RAPGEF2: variants seen among roughly 807,000 people sequenced by gnomAD.
The protein encoded by RAPGEF2 is PDZ domain containing guanine nucleotide exchange factor (GEF) 1.
A neutral mutation model predicts 186.7 loss-of-function variants in RAPGEF2; 54 were observed. The observed-to-expected ratio is 0.29, with a 90% CI of 0.23 to 0.36. The LOEUF is 0.36. Ranked by LOEUF, RAPGEF2 falls within the 10% of genes least tolerant of loss-of-function variation. The pLI is 1.00. For missense variants in RAPGEF2, 1,532 were observed against 2,045.0 expected (o/e 0.75, Z 4.84); for synonymous variants, 712 against 705.9 (o/e 1.01, Z -0.14).
At chr4:159,287,848 T>A (rs77344495) in intron 7 of RAPGEF2, among the ~76,000 whole-genome samples, 1 of 152,162 alleles carries the variant, frequency 6.6e-6, no homozygotes, top group Non-Finnish European at 1.5e-5. Context: ...TCTCTTGATA[T>A]CGGTTCCTAC....
chr4:159,289,051 A>C (rs567316430), intron 7 of RAPGEF2, among the ~76,000 whole-genome samples: 30 of 152,252 alleles, frequency 2.0e-4, no homozygotes, highest in Non-Finnish European at 4.1e-4. Context: ...TGATAGCTGA[A>C]ATCTTTTTTT....
rs896338299 is a variant in RAPGEF2, at chr4:159,273,642, CTT to C, written c.543+29853_543+29854del. On this transcript the variant is annotated intron_variant, in intron 7 of 29. Transcript: ENST00000691494. ...CAGTAATCAGTTTCTTTCTTTCTTT[CTT>C]TCTTTCTTTCTTTCTTTCTTTCTTT... Among the ~76,000 whole-genome samples, 19 of 109,568 alleles carry C rather than the reference CTT, an allele frequency of 1.7e-4. 1 individual carries two copies. In the East Asian group the frequency reaches 4.1e-3, roughly 24 times the overall value. The allele number at this position is 109,568 out of a possible 152,430, so 71.9% of individuals were successfully genotyped here.
intron 1 of RAPGEF2, among the ~76,000 whole-genome samples, chr4:159,186,115 G>A (rs897361270): frequency 6.6e-6 from 1 of 151,332 alleles, no homozygotes; most frequent in Admixed American, 6.6e-5. Flanking sequence ...GTAAAACAAG[G>A]CACGTTTTCT....
intron 7 of RAPGEF2, among the ~76,000 whole-genome samples, chr4:159,286,195 A>G (rs775035943): frequency 6.6e-6 from 1 of 152,116 alleles, no homozygotes; most frequent in Non-Finnish European, 1.5e-5. Context: ...TGAAACCCCA[A>G]ACCTATGGAT....
chr4:159,153,550 G>A (rs1743786544), intron 1 of RAPGEF2, among the ~76,000 whole-genome samples: 1 of 152,130 alleles, frequency 6.6e-6, no homozygotes, highest in African/African-American at 2.4e-5. Flanking sequence ...GTCCGTCTTG[G>A]TAGTTTTAAT....
At chr4:159,348,242 AGATGGATGGATG>A (rs57748987) in intron 25 of RAPGEF2, among the ~76,000 whole-genome samples, 53,983 of 144,724 alleles carry the variant, frequency 0.37, 10,882 homozygotes, top group Non-Finnish European at 0.46. Flanking sequence ...ATAGATAGAT[AGATGGATGGATG>A]GATGGATGGA....
intron 1 of RAPGEF2, among the ~76,000 whole-genome samples, chr4:159,104,531 A>AGG (rs1382643863): frequency 1.2e-3 from 138 of 116,060 alleles, no homozygotes; most frequent in Non-Finnish European, 1.4e-3. Flanking sequence ...AGAGAGGGAG[A>AGG]GACAGAGAGA....
chr4:159,248,085 A>G (rs891814877), intron 7 of RAPGEF2, among the ~76,000 whole-genome samples: 1 of 152,190 alleles, frequency 6.6e-6, no homozygotes, highest in Non-Finnish European at 1.5e-5. Flanking sequence ...TTTCAAAATA[A>G]AACTTTAAAT....
intron 11 of RAPGEF2, among the ~76,000 whole-genome samples, chr4:159,324,889 TTGTCTC>T (rs1192923445): frequency 6.6e-6 from 1 of 152,086 alleles, no homozygotes; most frequent in Non-Finnish European, 1.5e-5. Flanking sequence ...CTAAAAGAAT[TTGTCTC>T]TGAAACAAAA....
intron 1 of RAPGEF2, among the ~76,000 whole-genome samples, chr4:159,160,196 C>T (rs1024302907): frequency 6.6e-6 from 1 of 152,160 alleles, no homozygotes; most frequent in African/African-American, 2.4e-5. Context: ...ATGAAATGTA[C>T]CTTTTACTGA....
rs373383424 is a variant in RAPGEF2, at chr4:159,358,786, C to A, written c.*647C>A. On this transcript the variant is annotated 3_prime_UTR_variant, in exon 30 of 30. Coordinates refer to ENST00000691494, the MANE Select transcript of RAPGEF2 (RefSeq NM_001394067.2). ...GGTTGCCAGCCTGGTTTCTGAAAAACCAAATATGCCGGACAGGGTGTGGCC... is the reference window on the plus strand; with the variant it reads ...GGTTGCCAGCCTGGTTTCTGAAAAAACAAATATGCCGGACAGGGTGTGGCC... 1.3e-5 allele frequency: 2 copies of A among 152,190 alleles called. No homozygotes were observed. Among genetic ancestry groups the A allele is most frequent in the East Asian group, 3.8e-4 (2 of 5,198 alleles). The allele number at this position is 152,190 out of a possible 1,614,324, so 9.4% of individuals were successfully genotyped here. A position where few individuals can be genotyped will look rare whatever the true frequency, so the allele number is the denominator to read the frequency against.
At chr4:159,272,570 G>A (rs1758257542) in intron 7 of RAPGEF2, among the ~76,000 whole-genome samples, 2 of 152,148 alleles carry the variant, frequency 1.3e-5, no homozygotes, top group South Asian at 4.1e-4. Flanking sequence ...TTTGGTCTTT[G>A]CAGTTAGATG....
chr4:159,149,649 A>G (rs1322132516), intron 1 of RAPGEF2, among the ~76,000 whole-genome samples: 1 of 152,194 alleles, frequency 6.6e-6, no homozygotes, highest in South Asian at 2.1e-4. Context: ...TTTGTAAACA[A>G]TGAAAAAGAA....
At chr4:159,121,653 G>T (rs1294961162) in intron 1 of RAPGEF2, among the ~76,000 whole-genome samples, 1 of 151,784 alleles carries the variant, frequency 6.6e-6, no homozygotes, top group Non-Finnish European at 1.5e-5. Flanking sequence ...ATAAATGTTG[G>T]GATTTCAATA....
intron 7 of RAPGEF2, among the ~76,000 whole-genome samples, chr4:159,295,510 A>G (rs1452103116): frequency 2.0e-5 from 3 of 152,164 alleles, no homozygotes; most frequent in Non-Finnish European, 4.4e-5. Flanking sequence ...TCATTTGGCC[A>G]TATATACATT....
At chr4:159,318,762 A>C (rs1222630656) in intron 9 of RAPGEF2, among the ~76,000 whole-genome samples, 1 of 152,210 alleles carries the variant, frequency 6.6e-6, no homozygotes, top group Non-Finnish European at 1.5e-5. Flanking sequence ...TTTTAAAAAA[A>C]ATTAATAAAA....
At chr4:159,335,290 C>T (rs1294092765) in intron 17 of RAPGEF2, among the ~76,000 whole-genome samples, 3 of 151,968 alleles carry the variant, frequency 2.0e-5, no homozygotes, top group African/African-American at 7.2e-5. Flanking sequence ...CTAATGAACC[C>T]AGAGACAAGA....
In RAPGEF2 at chr4:159,343,172, C is replaced by T. The variant is rs759383921; in HGVS notation, c.3112C>T (p.Leu1038Phe). Reference sequence around the variant, plus strand: ...TCTATTCCCAGTTATCAAAAAGGATCTCACCTTCCTTCACGAAGGTAAACA... The same window carrying T: ...TCTATTCCCAGTTATCAAAAAGGATTTCACCTTCCTTCACGAAGGTAAACA... The part of the protein sequence containing the change: ...IPLFPVIKKD[L>F]TFLHEGNDSK... The change falls in exon 21 of 30, where the codon CTC becomes TTC. Residue 1038 changes from leucine to phenylalanine, a missense_variant. Around this residue, in one of 4 missense-constraint regions of RAPGEF2, gnomAD observed 11 missense variants for 45.2 expected, o/e 0.24. Transcript: ENST00000691494. 6.2e-7 allele frequency: 1 copy of T among 1,614,068 alleles called. No individual in the cohort carries two copies. The highest frequency in any genetic ancestry group is 1.1e-5 in the South Asian group (1 of 91,076).
At chr4:159,274,369 AATCAT>A (rs1758569340) in intron 7 of RAPGEF2, among the ~76,000 whole-genome samples, 1 of 152,212 alleles carries the variant, frequency 6.6e-6, no homozygotes, top group Non-Finnish European at 1.5e-5. Flanking sequence ...AAATAACTTT[AATCAT>A]TATATATTTT....
Sources: allele counts gnomAD v4.1 joint callset (sites outside exome capture counted in the v4.1 genomes callset), GRCh38; gene constraint gnomAD v4.1.1; regional missense constraint gnomAD v4.1.1; transcripts MANE v1.5; gene names NCBI Gene and HGNC (gene_info 2026-07-23, HGNC 2026-07-21).